PTPRO: variants seen among roughly 807,000 people sequenced by gnomAD.
The protein encoded by PTPRO is protein tyrosine phosphatase receptor type O, also known as receptor-type tyrosine-protein phosphatase O.
PTPRO carries 62 observed loss-of-function variants against 145.2 expected under a neutral mutation model. The ratio of observed to expected loss-of-function variants is 0.43; its 90% CI spans 0.35 to 0.53. The LOEUF is 0.53. Ranked by LOEUF, PTPRO falls within the 20% of genes least tolerant of loss-of-function variation. The pLI is 0.01. For synonymous variants in PTPRO, 565 were observed against 514.7 expected (o/e 1.10, Z -1.32); for missense variants, 1,345 against 1,482.7 (o/e 0.91, Z 1.53).
chr12:15,508,643 C>A lies in PTPRO; in HGVS notation c.1340C>A (p.Thr447Asn). The change falls in exon 7 of 27, where the codon ACC becomes AAC. Residue 447 changes from threonine to asparagine, a missense_variant. By Grantham distance (65) the Thr-to-Asn change is moderately conservative. Coordinates refer to ENST00000281171, the MANE Select transcript of PTPRO (RefSeq NM_030667.3). ...GTGAGTGTCCACGTTTTAAGCTCAA[C>A]CACTGCCTTGATGTCCTGGACATCT... The part of the protein sequence containing the change: ...QHVSVHVLSS[T>N]TALMSWTSSQ... The A allele has an allele frequency of 6.2e-7, 1 of 1,614,122 alleles. No homozygotes were observed. Among genetic ancestry groups the A allele is most frequent in the South Asian group, 1.1e-5 (1 of 91,076 alleles).
chr12:15,451,956 C>G (rs1465707314), intron 1 of PTPRO, among the ~76,000 whole-genome samples: 1 of 151,950 alleles, frequency 6.6e-6, no homozygotes, highest in Non-Finnish European at 1.5e-5. Flanking sequence ...AAGAACAAAC[C>G]AAACTCAAAC....
intron 18 of PTPRO, among the ~76,000 whole-genome samples, chr12:15,567,790 G>T (rs1943938575): frequency 6.6e-6 from 1 of 152,128 alleles, no homozygotes; most frequent in Non-Finnish European, 1.5e-5. Flanking sequence ...ACTCTCCCTG[G>T]ATTCCAGTGA....
At chr12:15,375,766 A>G (rs1239858780) in intron 1 of PTPRO, among the ~76,000 whole-genome samples, 1 of 151,344 alleles carries the variant, frequency 6.6e-6, no homozygotes, top group Non-Finnish European at 1.5e-5. Context: ...CCACCAAAAA[A>G]AAAAAAAAAA....
chr12:15,589,402 G>GA (rs1944498619), intron 24 of PTPRO, 53 bp from the exon 25 acceptor site: 16 of 1,603,092 alleles, frequency 1.0e-5, no homozygotes, highest in East Asian at 2.3e-5. Flanking sequence ...AGAGGGGGGA[G>GA]AAAAAAAAGA....
chr12:15,469,421 G>A (rs2136412582), intron 1 of PTPRO, among the ~76,000 whole-genome samples: 1 of 152,236 alleles, frequency 6.6e-6, no homozygotes, highest in African/African-American at 2.4e-5. Flanking sequence ...GCATAGTTTT[G>A]GAATTTGCCT....
Position 15,583,211 on chromosome 12 carries a change from G to T in PTPRO, c.3255+1410G>T, listed in dbSNP as rs185422318. On this transcript the variant is annotated intron_variant, in intron 23 of 26. Transcript: ENST00000281171. ...GGTTGAAAAAAGACAACTGAGTATG[G>T]TGGTTCATGCCTGTAATCCCAGCAC... Among the ~76,000 whole-genome samples the T allele has an allele frequency of 1.9e-3, 284 of 152,278 alleles. 1 individual carries two copies. The Middle Eastern group carries it at 0.024, about 13-fold the overall frequency.
At chr12:15,341,265 G>C (rs937907110) in intron 1 of PTPRO, among the ~76,000 whole-genome samples, 29 of 152,038 alleles carry the variant, frequency 1.9e-4, no homozygotes, top group Non-Finnish European at 3.8e-4. Context: ...TTGTCCATGA[G>C]ATATTAAACT....
intron 1 of PTPRO, among the ~76,000 whole-genome samples, chr12:15,414,067 C>T (rs1264608810): frequency 6.6e-6 from 1 of 152,138 alleles, no homozygotes; most frequent in African/African-American, 2.4e-5. Context: ...AGCTTATCTG[C>T]CTTTGTGCAG....
chr12:15,403,067 A>T (rs1291897750), intron 1 of PTPRO, among the ~76,000 whole-genome samples: 1 of 152,308 alleles, frequency 6.6e-6, no homozygotes, highest in East Asian at 1.9e-4. Context: ...TTGATTTCTT[A>T]TTCATCTGAG....
At chr12:15,348,997 A>G (rs1485513242) in intron 1 of PTPRO, among the ~76,000 whole-genome samples, 2 of 152,214 alleles carry the variant, frequency 1.3e-5, no homozygotes, top group Non-Finnish European at 2.9e-5. Flanking sequence ...AGAGAACAAT[A>G]AAGAGCTATT....
At chr12:15,550,414 A>G (rs1392134116) in intron 14 of PTPRO, among the ~76,000 whole-genome samples, 2 of 152,166 alleles carry the variant, frequency 1.3e-5, no homozygotes, top group Non-Finnish European at 2.9e-5. Context: ...GGCAGAGAGT[A>G]AAGATAATCC....
intron 1 of PTPRO, among the ~76,000 whole-genome samples, chr12:15,324,347 A>T (rs1866384468): frequency 6.6e-6 from 1 of 152,242 alleles, no homozygotes; most frequent in Admixed American, 6.5e-5. Flanking sequence ...TAATTCCAGA[A>T]ATAAGAGAAT....
intron 1 of PTPRO, among the ~76,000 whole-genome samples, chr12:15,354,513 A>G (rs1381059016): frequency 6.6e-6 from 1 of 152,194 alleles, no homozygotes. Flanking sequence ...TTTCTCATAA[A>G]TGCATTTTCC....
At chr12:15,465,227 T>C (rs1271372775) in intron 1 of PTPRO, among the ~76,000 whole-genome samples, 1 of 152,238 alleles carries the variant, frequency 6.6e-6, no homozygotes, top group African/African-American at 2.4e-5. Flanking sequence ...CATATTGTTG[T>C]TCCAGCCTTC....
intron 12 of PTPRO, among the ~76,000 whole-genome samples, chr12:15,530,244 T>G (rs560039730): frequency 3.3e-5 from 5 of 152,242 alleles, no homozygotes; most frequent in Admixed American, 3.3e-4. Flanking sequence ...CATTAATAGA[T>G]CTAAAGGAAC....
chr12:15,535,872 T>C (rs1426053351), intron 12 of PTPRO, among the ~76,000 whole-genome samples: 1 of 152,226 alleles, frequency 6.6e-6, no homozygotes, highest in African/African-American at 2.4e-5. Context: ...TAGAAATCTT[T>C]AAAACATAAT....
intron 2 of PTPRO, among the ~76,000 whole-genome samples, chr12:15,484,722 C>T (rs112513378): frequency 6.6e-6 from 1 of 151,878 alleles, no homozygotes; most frequent in Non-Finnish European, 1.5e-5. Flanking sequence ...TGTTATTCCC[C>T]ACCTCATCTT....
intron 12 of PTPRO, among the ~76,000 whole-genome samples, chr12:15,541,157 G>A (rs1943172772): frequency 6.6e-6 from 1 of 152,138 alleles, no homozygotes; most frequent in Admixed American, 6.5e-5. Context: ...TGGAGCATGA[G>A]AATATGGAAA....
intron 2 of PTPRO, 40 bp from the exon 3 acceptor site, chr12:15,497,205 C>G: frequency 2.6e-6 from 4 of 1,514,118 alleles, no homozygotes; most frequent in Non-Finnish European, 3.7e-6. Context: ...TTTCTCTCTC[C>G]TCTTTCTTTT....
Sources: allele counts gnomAD v4.1 joint callset (sites outside exome capture counted in the v4.1 genomes callset), GRCh38; gene constraint gnomAD v4.1.1; transcripts MANE v1.5; gene names NCBI Gene and HGNC (gene_info 2026-07-23, HGNC 2026-07-21).